Variants in TMEM94 observed in about 807,000 individuals in gnomAD.
TMEM94 encodes transmembrane protein 94.
Under a neutral mutation model 158.6 loss-of-function variants are expected in TMEM94, and 81 were observed. The ratio of observed to expected loss-of-function variants is 0.51; its 90% CI spans 0.43 to 0.61. The LOEUF (loss-of-function observed/expected upper bound fraction) is 0.61. Among genes scored for constraint, TMEM94 ranks in the 20% least tolerant of loss-of-function variants. TMEM94 has a pLI of 0.00. For synonymous variants in TMEM94, 751 were observed against 730.7 expected, an observed-to-expected ratio of 1.03 and a Z score of -0.45; for missense variants, 1,435 against 1,762.0, an observed-to-expected ratio of 0.81 and a Z score of 3.32.
At position 75,489,657 on chromosome 17, in the gene TMEM94, C is replaced by G; in HGVS notation, c.949C>G (p.Leu317Val). Reference sequence around the variant, plus strand: ...TTCCTGGCAGTACACCCTCCTCCAGCTCCAGGCAAGGACCACCCTGTCCTC... The same window carrying G: ...TTCCTGGCAGTACACCCTCCTCCAGGTCCAGGCAAGGACCACCCTGTCCTC... ...VTSWQYTLLQ[L>V]QVNGVLPILP... Residue 317 changes from leucine (L) to valine (V), a missense_variant, in exon 9 of 32, where the codon CTC (leucine) becomes GTC (valine). Physicochemically the swap from Leu to Val is conservative, Grantham distance 32. This residue lies in a region of TMEM94 where 1,051 missense variants were observed against 1,254.4 expected (regional missense o/e 0.84). Coordinates refer to ENST00000314256, the MANE Select transcript of TMEM94 (RefSeq NM_014738.6). The surrounding 1 kb of genome is among the most constrained non-coding windows in gnomAD (Gnocchi z 5.0). 6.2e-7 allele frequency: 1 copy of G among 1,613,180 alleles called. No individual in the cohort carries two copies. The highest frequency in any genetic ancestry group is 8.5e-7 in the Non-Finnish European group (1 of 1,179,266).
chr17:75,463,084 A>ACC lies in TMEM94; in HGVS notation c.-107+6334_-107+6335insCC, dbSNP rs1180126196. 5.2e-5 allele frequency among the ~76,000 whole-genome samples: 2 copies of ACC among 38,176 alleles called. 1 individual carries two copies. The highest frequency in any genetic ancestry group is 8.5e-5 in the Non-Finnish European group (2 of 23,616). 25.0% of individuals were successfully genotyped at this position (38,176 alleles called of 152,430 possible). On this transcript the variant is annotated intron_variant, in intron 1 of 31. Coordinates refer to ENST00000314256, the MANE Select transcript of TMEM94 (RefSeq NM_014738.6). ...TATATATATATATATATATATACAC[A>ACC]CACACACACATATATATGTGTGTAT...
At chr17:75,497,390 G>C (rs1223832251) in intron 26 of TMEM94, among the ~76,000 whole-genome samples, 192 bp downstream of exon 26, 4 of 114,976 alleles carry the variant, frequency 3.5e-5, no homozygotes, top group African/African-American at 1.4e-4. Flanking sequence ...GTCTCGCTCT[G>C]TCACCCAGGC....
Position 75,489,752 on chromosome 17 carries a change from G to A in TMEM94, c.954+90G>A. On this transcript the variant is annotated intron_variant, in intron 9 of 31. Transcript: ENST00000314256. This position sits in a 1 kb window ranked among gnomAD's most constrained non-coding sequence, Gnocchi z 5.0. Reference sequence around the variant, plus strand: ...GTACCCTGGCTGTCCCTCCCTCTCTGCAGCCCAGAGGTCCCCTCACGCTTC... The same window carrying A: ...GTACCCTGGCTGTCCCTCCCTCTCTACAGCCCAGAGGTCCCCTCACGCTTC... The A allele has an allele frequency of 3.6e-6, 4 of 1,115,646 alleles. No individual in the cohort carries two copies. The highest frequency in any genetic ancestry group is 2.7e-6 in the Non-Finnish European group (2 of 741,458). 69.1% of individuals were successfully genotyped at this position (1,115,646 alleles called of 1,614,324 possible). A position where few individuals can be genotyped will look rare whatever the true frequency, so the allele number is the denominator to read the frequency against.
Position 75,495,635 on chromosome 17 carries a change from C to A in TMEM94, c.2936C>A (p.Thr979Asn), listed in dbSNP as rs1431981883. Reference protein sequence around the residue: ...PLLVPLFTDCTPETMCEMIKI... With the variant: ...PLLVPLFTDCNPETMCEMIKI... ...CTAGTGCCCCTTTTCACCGACTGCA[C>A]CCCAGAGAGTGAGTGCTGTGGCCAT... Residue 979 changes from threonine to asparagine, a missense_variant, in exon 22 of 32, where the codon ACC (threonine) becomes AAC (asparagine). Thr to Asn is a moderately conservative substitution (Grantham distance 65, BLOSUM62 0). Transcript: ENST00000314256. This position sits in a 1 kb window ranked among gnomAD's most constrained non-coding sequence, Gnocchi z 5.6. 6.2e-7 allele frequency: 1 copy of A among 1,613,352 alleles called. No homozygotes were observed. The highest frequency in any genetic ancestry group is 8.5e-7 in the Non-Finnish European group (1 of 1,179,884).
intron 26 of TMEM94, among the ~76,000 whole-genome samples, chr17:75,497,543 G>A (rs2052838909): frequency 6.6e-6 from 1 of 151,894 alleles, no homozygotes; most frequent in African/African-American, 2.4e-5. Context: ...TAGTAGAGAT[G>A]GGTTTTTGCC....
intron 2 of TMEM94, among the ~76,000 whole-genome samples, chr17:75,480,933 G>T (rs75529049): frequency 0.053 from 8,092 of 152,244 alleles, 230 homozygotes; most frequent in Middle Eastern, 0.099. Flanking sequence ...ATTCCTCTCT[G>T]TGGCGAGGAA....
At chr17:75,463,176 GTGTA>G (rs1567905369) in intron 1 of TMEM94, among the ~76,000 whole-genome samples, 1 of 9,044 alleles carries the variant, frequency 1.1e-4, no homozygotes, top group Non-Finnish European at 2.4e-4. Flanking sequence ...GTGTGTGTGT[GTGTA>G]TATATATATA....
intron 2 of TMEM94, among the ~76,000 whole-genome samples, chr17:75,473,055 A>G (rs981497199): frequency 3.9e-5 from 6 of 152,126 alleles, no homozygotes; most frequent in African/African-American, 1.4e-4. Flanking sequence ...GGCTTAGTAC[A>G]TATTTATTGA....
chr17:75,495,194 A>C lies in TMEM94; in HGVS notation c.2729-90A>C. On this transcript the variant is annotated intron_variant, in intron 20 of 31. Transcript: ENST00000314256. This position sits in a 1 kb window ranked among gnomAD's most constrained non-coding sequence, Gnocchi z 5.6. ...CGGGAAACAGTAGTCAGCAGGAAGG[A>C]GTGGACACAGGCAAAAAATTCTCTG... 2 of 1,398,136 alleles carry C rather than the reference A, an allele frequency of 1.4e-6. No individual in the cohort carries two copies. The highest frequency in any genetic ancestry group is 2.7e-5 in the South Asian group (2 of 74,488). 86.6% of individuals were successfully genotyped at this position (1,398,136 alleles called of 1,614,324 possible).
In TMEM94 at chr17:75,497,822, C is replaced by T; in HGVS notation, c.3449C>T (p.Ser1150Phe). 6.2e-7 allele frequency: 1 copy of T among 1,614,014 alleles called. No homozygotes were observed. The highest frequency in any genetic ancestry group is 8.5e-7 in the Non-Finnish European group (1 of 1,179,982). Residue 1150 changes from serine (S) to phenylalanine (F), a missense_variant, in exon 27 of 32, where the codon TCT becomes TTT. Coordinates refer to ENST00000314256, the MANE Select transcript of TMEM94 (RefSeq NM_014738.6). Reference protein sequence around the residue: ...LGKPPHSSIMSMATGKNLQSI... With the variant: ...LGKPPHSSIMFMATGKNLQSI... ...AAGCCCCCCCATAGCTCCATCATGT[C>T]TATGGCAACGGGGAAAAACCTCCAG...
rs773322618 is a variant in TMEM94, at chr17:75,499,047, G to T, written c.3963G>T (p.Val1321=). ...GCTGCCTGTCCCTGGTCCTTGTGGT[G>T]GTGACCAATGAGATCGTGAAGCTAC... ...LLGCLSLVLV[V]VTNEIVKLHE... Residue 1321 remains valine, a synonymous_variant, in exon 31 of 32, where the codon GTG becomes GTT. Transcript: ENST00000314256. 1 of 1,597,640 alleles carries T rather than the reference G, an allele frequency of 6.3e-7. No homozygotes were observed. The highest frequency in any genetic ancestry group is 1.7e-5 in the Admixed American group (1 of 59,268).
chr17:75,469,405 C>T (rs996816227), intron 1 of TMEM94, among the ~76,000 whole-genome samples: 4 of 149,020 alleles, frequency 2.7e-5, no homozygotes, highest in African/African-American at 7.5e-5. Flanking sequence ...AGTGCAGTGG[C>T]GCAATCTCAG....
At chr17:75,494,023 A>C in intron 18 of TMEM94, 107 bp downstream of exon 18, 1 of 1,075,914 alleles carries the variant, frequency 9.3e-7, no homozygotes, top group Non-Finnish European at 1.3e-6. Context: ...CCCACAGCAA[A>C]GGGGGCAGTG....
intron 2 of TMEM94, among the ~76,000 whole-genome samples, chr17:75,482,524 ATATGTATGTATGTATG>A (rs57220539): frequency 3.7e-4 from 53 of 145,202 alleles, no homozygotes; most frequent in South Asian, 4.5e-4. Flanking sequence ...AAATATATAT[ATATGTATGTATGTATG>A]TATGTATGTA....
chr17:75,482,526 ATGTATG>A (rs775063749), intron 2 of TMEM94, among the ~76,000 whole-genome samples: 2 of 14,540 alleles, frequency 1.4e-4, no homozygotes, highest in African/African-American at 3.3e-3. Context: ...ATATATATAT[ATGTATG>A]TATGTATGTA....
In TMEM94 at chr17:75,490,228, T is replaced by C. The variant is rs1182057025; in HGVS notation, c.955-6T>C. 6.2e-7 allele frequency: 1 copy of C among 1,613,962 alleles called. No individual in the cohort carries two copies. Among genetic ancestry groups the C allele is most frequent in the East Asian group, 2.2e-5 (1 of 44,876 alleles). ...GGAGCCATCTGTGTGGTCCGCTCCTTCCCAGGTGAATGGCGTCCTGCCCAT... is the reference window on the plus strand; with the variant it reads ...GGAGCCATCTGTGTGGTCCGCTCCTCCCCAGGTGAATGGCGTCCTGCCCAT... On this transcript the variant is annotated splice_polypyrimidine_tract_variant and splice_region_variant and intron_variant, in intron 9 of 31. Coordinates refer to ENST00000314256, the MANE Select transcript of TMEM94 (RefSeq NM_014738.6).
At position 75,476,675 on chromosome 17, in the gene TMEM94, C is replaced by T. The variant is rs959529214; in HGVS notation, c.24+4746C>T. 155 of 1,535,436 alleles carry T rather than the reference C, an allele frequency of 1.0e-4. 1 individual carries two copies. Among genetic ancestry groups the T allele is most frequent in the Middle Eastern group, 1.7e-4 (1 of 6,004 alleles). On this transcript the variant is annotated intron_variant, in intron 2 of 31. Transcript: ENST00000314256. ...AGTTCTTGCAGCTGACTGCTTGTGGCTCAGACTCTGGCCCATGCTCTTTAA... is the reference window on the plus strand; with the variant it reads ...AGTTCTTGCAGCTGACTGCTTGTGGTTCAGACTCTGGCCCATGCTCTTTAA...
chr17:75,463,033 AAAAAATATATAT>A (rs1208731230), intron 1 of TMEM94, among the ~76,000 whole-genome samples: 14 of 5,202 alleles, frequency 2.7e-3, no homozygotes, highest in Non-Finnish European at 4.8e-3. Context: ...AAAAAAAAAA[AAAAAATATATAT>A]ATATATATAT....
In TMEM94 at chr17:75,463,160, A is replaced by ATG. The variant is rs66559909; in HGVS notation, c.-107+6427_-107+6428dup. 1.7e-3 allele frequency among the ~76,000 whole-genome samples: 30 copies of ATG among 18,080 alleles called. 1 individual carries two copies. The highest frequency in any genetic ancestry group is 4.4e-3 in the Admixed American group (15 of 3,436). 11.9% of individuals were successfully genotyped at this position (18,080 alleles called of 152,430 possible). Reference sequence around the variant, plus strand: ...TATGTATATATATACACGTATATATATGTGTGTGTGTGTGTGTGTATATAT... The same window carrying ATG: ...TATGTATATATATACACGTATATATATGTGTGTGTGTGTGTGTGTGTATATAT... On this transcript the variant is annotated intron_variant, in intron 1 of 31. Coordinates refer to ENST00000314256, the MANE Select transcript of TMEM94 (RefSeq NM_014738.6).
Sources: allele counts gnomAD v4.1 joint callset (sites outside exome capture counted in the v4.1 genomes callset), GRCh38; gene constraint gnomAD v4.1.1; regional missense constraint gnomAD v4.1.1; non-coding constraint Gnocchi (gnomAD v3.1); transcripts MANE v1.5; gene names NCBI Gene and HGNC (gene_info 2026-07-23, HGNC 2026-07-21).